BAG3: variants seen among roughly 807,000 people sequenced by gnomAD.
BAG3 encodes the protein BAG cochaperone 3, also known as BAG family molecular chaperone regulator 3.
A neutral mutation model predicts 40.5 loss-of-function variants in BAG3; 14 were observed. The observed-to-expected ratio is 0.35, with a 90% CI of 0.23 to 0.54. The LOEUF (loss-of-function observed/expected upper bound fraction) is 0.54. BAG3 is among the 20% of genes least tolerant of loss of function. The pLI is 0.91. For synonymous variants in BAG3, 302 were observed against 307.8 expected (o/e 0.98, Z 0.20); for missense variants, 788 against 758.6 (o/e 1.04, Z -0.46).
intron 1 of BAG3, among the ~76,000 whole-genome samples, chr10:119,668,986 GT>G (rs1265279656): frequency 6.6e-6 from 1 of 152,184 alleles, no homozygotes; most frequent in Non-Finnish European, 1.5e-5. Context: ...GGCTAAGGGT[GT>G]TTCTGGCTAT....
chr10:119,669,101 G>A (rs1847104817), intron 1 of BAG3, among the ~76,000 whole-genome samples: 1 of 152,122 alleles, frequency 6.6e-6, no homozygotes, highest in African/African-American at 2.4e-5. Context: ...GGGGTTTCTG[G>A]CTAAACTGAC....
rs1349893372 is a variant in BAG3, at chr10:119,651,812, C to T, written c.137C>T (p.Thr46Ile). The T allele has an allele frequency of 1.3e-6, 2 of 1,596,578 alleles. No individual in the cohort carries two copies. Among genetic ancestry groups the T allele is most frequent in the Admixed American group, 1.7e-5 (1 of 58,014 alleles). The change falls in exon 1 of 4, where the codon ACC (threonine) becomes ATC (isoleucine). Residue 46 changes from threonine to isoleucine, a missense_variant. Physicochemically the swap from Thr to Ile is moderately conservative, Grantham distance 89 (BLOSUM62 -1). Transcript: ENST00000369085. ...TTCTTCGTGGACCACAACAGCCGCA[C>T]CACTACGTGGAACGACCCGCGCGTG... The part of the protein sequence containing the change: ...WPFFVDHNSR[T>I]TTWNDPRVPS...
chr10:119,656,717 G>A (rs1001042787), intron 1 of BAG3: 4 of 152,164 alleles, frequency 2.6e-5, no homozygotes, highest in African/African-American at 9.7e-5. Context: ...AAGCCAGGCA[G>A]CTTGCAAAAG....
chr10:119,675,585 A>T (rs1847207134), intron 3 of BAG3, among the ~76,000 whole-genome samples: 1 of 152,168 alleles, frequency 6.6e-6, no homozygotes, highest in Admixed American at 6.5e-5. Context: ...CTAAAACAGG[A>T]GACAAGAAGA....
At chr10:119,664,186 C>G (rs1360140228) in intron 1 of BAG3, among the ~76,000 whole-genome samples, 1 of 152,162 alleles carries the variant, frequency 6.6e-6, no homozygotes, top group Non-Finnish European at 1.5e-5. Flanking sequence ...AACAGCTCAC[C>G]AAAGCTCAGA....
In BAG3 at chr10:119,677,106, G is replaced by T; in HGVS notation, c.1552G>T (p.Asp518Tyr). The T allele has an allele frequency of 1.2e-6, 2 of 1,614,180 alleles. No homozygotes were observed. The highest frequency in any genetic ancestry group is 1.7e-6 in the Non-Finnish European group (2 of 1,180,030). Residue 518 changes from aspartate to tyrosine, a missense_variant, in exon 4 of 4, where the codon GAT (aspartate) becomes TAT (tyrosine). Coordinates refer to ENST00000369085, the MANE Select transcript of BAG3 (RefSeq NM_004281.4). ...ACTCCAGCCCAGCAACCTTGAAGCAGATCAGCCACTGCAGGCAATCATGGA... is the reference window on the plus strand; with the variant it reads ...ACTCCAGCCCAGCAACCTTGAAGCATATCAGCCACTGCAGGCAATCATGGA... ...YELQPSNLEA[D>Y]QPLQAIMEMG...
rs187116556 is a variant in BAG3 at position 119,669,851 on chromosome 10, G to A, written c.181G>A (p.Glu61Lys). 9 of 1,614,040 alleles carry A rather than the reference G, an allele frequency of 5.6e-6. No homozygotes were observed. In the East Asian group the frequency reaches 2.0e-4, roughly 36 times the overall value. ...TGTGTTTCTCCACTTTTTATTTCAG[G>A]AGACTCCATCCTCTGCCAATGGCCC... Reference protein sequence around the residue: ...DPRVPSEGPKETPSSANGPSR... With the variant: ...DPRVPSEGPKKTPSSANGPSR... The change falls in exon 2 of 4, where the codon GAG becomes AAG. Residue 61 changes from glutamate (E) to lysine (K), a missense_variant and splice_region_variant. Coordinates refer to ENST00000369085, the MANE Select transcript of BAG3 (RefSeq NM_004281.4).
intron 2 of BAG3, among the ~76,000 whole-genome samples, chr10:119,671,771 G>GTGTGTTT (rs963499243): frequency 1.3e-5 from 2 of 152,122 alleles, no homozygotes; most frequent in African/African-American, 4.8e-5. Flanking sequence ...GTGTGTGTGT[G>GTGTGTTT]TGTTTTGTTT....
Position 119,669,924 on chromosome 10 carries a change from T to C in BAG3, c.254T>C (p.Val85Ala), listed in dbSNP as rs767179657. The C allele has an allele frequency of 1.2e-6, 2 of 1,614,256 alleles. No individual in the cohort carries two copies. Among genetic ancestry groups the C allele is most frequent in the South Asian group, 1.1e-5 (1 of 91,088 alleles). ...CCGCCTGCTAGGGAAGGCCACCCTG[T>C]GTACCCCCAGCTCCGACCAGGCTAC... The part of the protein sequence containing the change: ...RLPPAREGHP[V>A]YPQLRPGYIP... The change falls in exon 2 of 4, where the codon GTG (valine) becomes GCG (alanine). Residue 85 changes from valine to alanine, a missense_variant. Physicochemically the swap from Val to Ala is moderately conservative, Grantham distance 64 (BLOSUM62 0). Transcript: ENST00000369085.
intron 1 of BAG3, among the ~76,000 whole-genome samples, chr10:119,667,543 A>G (rs1296464824): frequency 6.6e-6 from 1 of 152,210 alleles, no homozygotes; most frequent in East Asian, 1.9e-4. Flanking sequence ...GACCCTACCT[A>G]GGGCAGCGTC....
Position 119,677,525 on chromosome 10 carries a change from G to A in BAG3, c.*243G>A. The A allele has an allele frequency of 2.0e-6, 1 of 499,024 alleles. No homozygotes were observed. Among genetic ancestry groups the A allele is most frequent in the Non-Finnish European group, 3.7e-6 (1 of 273,750 alleles). 30.9% of individuals were successfully genotyped at this position (499,024 alleles called of 1,614,324 possible). ...GAGAAGTTTAACCCCGTTGCTTGTT[G>A]TTCTGCAGCCCTGTCTACTTGGGCA... On this transcript the variant is annotated 3_prime_UTR_variant, in exon 4 of 4. Coordinates refer to ENST00000369085, the MANE Select transcript of BAG3 (RefSeq NM_004281.4).
At chr10:119,676,186 C>T (rs1196509438) in intron 3 of BAG3, among the ~76,000 whole-genome samples, 1 of 151,454 alleles carries the variant, frequency 6.6e-6, no homozygotes, top group African/African-American at 2.4e-5. Context: ...CTTTTCATTG[C>T]CATTAAGAAT....
chr10:119,664,641 C>G (rs1184020742), intron 1 of BAG3, among the ~76,000 whole-genome samples: 2 of 152,122 alleles, frequency 1.3e-5, no homozygotes, highest in Non-Finnish European at 2.9e-5. Flanking sequence ...TTTGAGGAGG[C>G]AGATTCCGAG....
At position 119,651,736 on chromosome 10, in the gene BAG3, C is replaced by G. The variant is rs1327618290; in HGVS notation, c.61C>G (p.Pro21Ala). The G allele has an allele frequency of 6.3e-7, 1 of 1,599,362 alleles. No homozygotes were observed. The highest frequency in any genetic ancestry group is 1.7e-5 in the Admixed American group (1 of 58,198). ...QVASGNGDRDPLPPGWEIKID... is the reference protein window; with the variant it reads ...QVASGNGDRDALPPGWEIKID... ...GGCGTCCGGCAACGGTGACCGCGAC[C>G]CTTTGCCCCCCGGATGGGAGATCAA... Residue 21 changes from proline (P) to alanine (A), a missense_variant, in exon 1 of 4, where the codon CCT (proline) becomes GCT (alanine). By Grantham distance (27) the Pro-to-Ala change is conservative. Coordinates refer to ENST00000369085, the MANE Select transcript of BAG3 (RefSeq NM_004281.4).
At chr10:119,668,218 G>A (rs551080646) in intron 1 of BAG3, among the ~76,000 whole-genome samples, 1 of 152,264 alleles carries the variant, frequency 6.6e-6, no homozygotes, top group Non-Finnish European at 1.5e-5. Flanking sequence ...GCAGGAGGGA[G>A]GCAGTTGATG....
chr10:119,661,791 C>G (rs1309541123), intron 1 of BAG3, among the ~76,000 whole-genome samples: 3 of 152,040 alleles, frequency 2.0e-5, no homozygotes, highest in Non-Finnish European at 4.4e-5. Context: ...GGAATGTGGA[C>G]TTAGTTTATT....
At chr10:119,662,931 C>T (rs753957972) in intron 1 of BAG3, among the ~76,000 whole-genome samples, 3 of 152,172 alleles carry the variant, frequency 2.0e-5, no homozygotes, top group Non-Finnish European at 2.9e-5. Context: ...AGGAGAGTGG[C>T]GTGAACGCGG....
At chr10:119,654,850 T>C (rs901249978) in intron 1 of BAG3, among the ~76,000 whole-genome samples, 1 of 152,174 alleles carries the variant, frequency 6.6e-6, no homozygotes, top group African/African-American at 2.4e-5. Context: ...GAGGGAGACC[T>C]TCCTCCCTCA....
At chr10:119,666,574 C>T (rs1847071071) in intron 1 of BAG3, among the ~76,000 whole-genome samples, 1 of 149,142 alleles carries the variant, frequency 6.7e-6, no homozygotes, top group Non-Finnish European at 1.5e-5. Flanking sequence ...ACGAGGTGCT[C>T]AGCGAGATGC....
Sources: gnomAD v4.1 joint callset for allele counts (sites outside exome capture counted in the v4.1 genomes callset) on GRCh38, gnomAD v4.1.1 for gene constraint, MANE v1.5 for transcripts, NCBI Gene and HGNC (gene_info 2026-07-23, HGNC 2026-07-21) for gene names.